DCBLD1: variants seen among roughly 807,000 people sequenced by gnomAD.
DCBLD1 encodes the protein discoidin, CUB and LCCL domain-containing protein 1.
DCBLD1 carries 57 observed loss-of-function variants against 71.5 expected under a neutral mutation model. The observed-to-expected ratio is 0.80, with a 90% CI of 0.64 to 0.99. DCBLD1 has a LOEUF of 0.99. DCBLD1 is among the 50% of genes least tolerant of loss of function. The pLI, the probability that DCBLD1 is intolerant of heterozygous loss-of-function variation, is 0.00. For missense variants in DCBLD1, 891 were observed against 923.5 expected, an observed-to-expected ratio of 0.96 and a Z score of 0.46; for synonymous variants, 380 against 363.8, an observed-to-expected ratio of 1.04 and a Z score of -0.51.
chr6:117,515,611 C>T (rs1778168302), intron 2 of DCBLD1, among the ~76,000 whole-genome samples: 1 of 152,200 alleles, frequency 6.6e-6, no homozygotes, highest in Non-Finnish European at 1.5e-5. Flanking sequence ...AGCAATCTGA[C>T]TCACCTTAAC....
intron 5 of DCBLD1, among the ~76,000 whole-genome samples, chr6:117,531,201 T>C (rs928050978): frequency 5.3e-5 from 8 of 152,226 alleles, no homozygotes; most frequent in Admixed American, 5.2e-4. Flanking sequence ...AGCAGCATTG[T>C]CATTAACAAA....
chr6:117,539,318 A>G lies in DCBLD1; in HGVS notation c.1040A>G (p.Asn347Ser). 1 of 1,609,530 alleles carries G rather than the reference A, an allele frequency of 6.2e-7. No homozygotes were observed. Among genetic ancestry groups the G allele is most frequent in the Non-Finnish European group, 8.5e-7 (1 of 1,178,658 alleles). The change falls in exon 9 of 15, where the codon AAC (asparagine) becomes AGC (serine). Residue 347 changes from asparagine (N) to serine (S), a missense_variant. Physicochemically the swap from Asn to Ser is conservative, Grantham distance 46. Coordinates refer to ENST00000338728, the MANE Select transcript of DCBLD1 (RefSeq NM_001366458.2). ...TTTTATGTTAAGAGTTTTGTGATGA[A>G]CTTCAAAAACAATAATTCTAAGTGG... The part of the protein sequence containing the change: ...FNFYVKSFVM[N>S]FKNNNSKWKT...
At chr6:117,485,695 T>C (rs1036505910) in intron 1 of DCBLD1, among the ~76,000 whole-genome samples, 1 of 152,208 alleles carries the variant, frequency 6.6e-6, no homozygotes, top group African/African-American at 2.4e-5. Flanking sequence ...AATCTCTTTG[T>C]GTTTAGGATA....
chr6:117,556,968 T>C (rs1358355491), intron 14 of DCBLD1, among the ~76,000 whole-genome samples: 1 of 142,134 alleles, frequency 7.0e-6, no homozygotes, highest in African/African-American at 2.8e-5. Context: ...CTCTGATTAG[T>C]GATGTTGAAC....
chr6:117,533,900 A>T (rs9767029), intron 6 of DCBLD1, among the ~76,000 whole-genome samples: 1 of 152,010 alleles, frequency 6.6e-6, no homozygotes, highest in African/African-American at 2.4e-5. Context: ...GGTCGGGGTG[A>T]GAGTAACTAG....
intron 14 of DCBLD1, among the ~76,000 whole-genome samples, chr6:117,563,606 C>T (rs542973291): frequency 6.6e-6 from 1 of 152,052 alleles, no homozygotes; most frequent in African/African-American, 2.4e-5. Flanking sequence ...CCTGTAATCC[C>T]AGCTATTTGG....
chr6:117,525,859 T>A (rs576430335), intron 5 of DCBLD1, among the ~76,000 whole-genome samples: 1 of 152,326 alleles, frequency 6.6e-6, no homozygotes, highest in African/African-American at 2.4e-5. Flanking sequence ...GCCTTTCTCT[T>A]TGCAAACCAA....
chr6:117,530,225 A>G (rs1162584704), intron 5 of DCBLD1, among the ~76,000 whole-genome samples: 2 of 152,172 alleles, frequency 1.3e-5, no homozygotes, highest in Admixed American at 1.3e-4. Flanking sequence ...CCTTCAGAAA[A>G]GACACTAGAC....
At position 117,548,624 on chromosome 6, in the gene DCBLD1, G is replaced by C; in HGVS notation, c.*185G>C. On this transcript the variant is annotated 3_prime_UTR_variant, in exon 15 of 15. Transcript: ENST00000338728. ...TACTGTTTACAAAATTGTGCAGCTG[G>C]TTTCGTGCTGACCCTTAGGGTGCGT... 2.1e-6 allele frequency: 3 copies of C among 1,433,404 alleles called. No individual in the cohort carries two copies. The highest frequency in any genetic ancestry group is 2.7e-6 in the Non-Finnish European group (3 of 1,098,440). 88.8% of individuals were successfully genotyped at this position (1,433,404 alleles called of 1,614,324 possible). A position where few individuals can be genotyped will look rare whatever the true frequency, so the allele number is the denominator to read the frequency against.
At chr6:117,542,200 G>A (rs534417266) in intron 11 of DCBLD1, among the ~76,000 whole-genome samples, 218 of 151,866 alleles carry the variant, frequency 1.4e-3, no homozygotes, top group African/African-American at 4.8e-3. Context: ...GGCTGAGGCA[G>A]GAGAATTGCT....
intron 6 of DCBLD1, among the ~76,000 whole-genome samples, chr6:117,536,296 A>G (rs182424622): frequency 1.3e-5 from 2 of 152,362 alleles, no homozygotes; most frequent in Admixed American, 1.3e-4. Flanking sequence ...GTTTACCTCT[A>G]GTATCTAATA....
At chr6:117,535,980 T>C (rs987459113) in intron 6 of DCBLD1, among the ~76,000 whole-genome samples, 1 of 152,164 alleles carries the variant, frequency 6.6e-6, no homozygotes, top group African/African-American at 2.4e-5. Context: ...GCAGAGATTA[T>C]AGAAGAACCT....
chr6:117,512,396 C>CTT lies in DCBLD1; in HGVS notation c.326-7415_326-7414dup, dbSNP rs1039502826. On this transcript the variant is annotated intron_variant, in intron 2 of 14. Transcript: ENST00000338728. ...TTAATGGCACAGTCCAGGAATATCC[C>CTT]TTTTTTATGCTAATTTCTCTCCTTT... Among the ~76,000 whole-genome samples, 6 of 152,250 alleles carry CTT rather than the reference C, an allele frequency of 3.9e-5. No individual in the cohort carries two copies. In the East Asian group the frequency reaches 1.2e-3, roughly 29 times the overall value.
intron 2 of DCBLD1, chr6:117,508,126 G>A (rs1199397891): frequency 6.6e-6 from 1 of 152,170 alleles, no homozygotes; most frequent in African/African-American, 2.4e-5. Flanking sequence ...TTTTGTAGAA[G>A]ACAATTTTGG....
chr6:117,557,737 C>T lies in DCBLD1; in HGVS notation c.1616-11883C>T, dbSNP rs147567751. On this transcript the variant is annotated intron_variant, in intron 14 of 14. Transcript: ENST00000296955. ...CAAGATTGCACCATTGCACTCCAGCCTGGGCAACAAGAGTGAAACTCCGTC... is the reference window on the plus strand; with the variant it reads ...CAAGATTGCACCATTGCACTCCAGCTTGGGCAACAAGAGTGAAACTCCGTC... Among the ~76,000 whole-genome samples the T allele has an allele frequency of 5.1e-4, 78 of 152,278 alleles. 1 individual carries two copies. In the East Asian group the frequency reaches 0.013, roughly 26 times the overall value.
At chr6:117,522,882 A>C (rs868177512) in intron 4 of DCBLD1, among the ~76,000 whole-genome samples, 1 of 152,160 alleles carries the variant, frequency 6.6e-6, no homozygotes, top group South Asian at 2.1e-4. Flanking sequence ...AGGGCTACAC[A>C]CCTCGTAAGT....
chr6:117,483,581 T>TG (rs570389659), intron 1 of DCBLD1, among the ~76,000 whole-genome samples: 194 of 152,332 alleles, frequency 1.3e-3, no homozygotes, highest in African/African-American at 4.4e-3. Flanking sequence ...GTCTTTGACT[T>TG]GGAGTTAGAC....
At chr6:117,498,838 A>G (rs1777553165) in intron 1 of DCBLD1, among the ~76,000 whole-genome samples, 1 of 152,154 alleles carries the variant, frequency 6.6e-6, no homozygotes, top group South Asian at 2.1e-4. Flanking sequence ...TTTCTTATGT[A>G]GCCTCAATGC....
At chr6:117,559,839 G>A (rs1326155430) in intron 14 of DCBLD1, among the ~76,000 whole-genome samples, 1 of 152,178 alleles carries the variant, frequency 6.6e-6, no homozygotes, top group Non-Finnish European at 1.5e-5. Flanking sequence ...CTATGGGGTT[G>A]TATTCTGGGG....
Sources: allele counts gnomAD v4.1 joint callset (sites outside exome capture counted in the v4.1 genomes callset), GRCh38; gene constraint gnomAD v4.1.1; transcripts MANE v1.5; gene names NCBI Gene and HGNC (gene_info 2026-07-23, HGNC 2026-07-21).